GIPR: variants seen among roughly 807,000 people sequenced by gnomAD.
GIPR encodes the protein gastric inhibitory polypeptide receptor, also known as GIP-R.
Under a neutral mutation model 62.2 loss-of-function variants are expected in GIPR, and 74 were observed. That is an observed-to-expected ratio of 1.19 (90% CI 0.99 to 1.44). GIPR has a LOEUF of 1.44. Ranked by LOEUF, GIPR falls within the 40% of genes most tolerant of loss-of-function variation. The pLI is 0.00. For synonymous variants in GIPR, 256 were observed against 262.2 expected, an observed-to-expected ratio of 0.98 and a Z score of 0.23; for missense variants, 664 against 611.8, an observed-to-expected ratio of 1.09 and a Z score of -0.90.
At chr19:45,669,361 C>A in intron 1 of GIPR, 116 bp from the exon 2 acceptor site, 2 of 1,020,578 alleles carry the variant, frequency 2.0e-6, no homozygotes, top group Non-Finnish European at 2.9e-6. Flanking sequence ...GCCTCGGAGT[C>A]CCGCGTGTAT....
rs1428707340 is a variant in GIPR, at chr19:45,683,717, A to G, written c.*1782A>G. The G allele has an allele frequency of 2.0e-5, 3 of 152,058 alleles. No individual in the cohort carries two copies. The highest frequency in any genetic ancestry group is 4.4e-5 in the Non-Finnish European group (3 of 68,008). The allele number at this position is 152,058 out of a possible 1,614,324, so 9.4% of individuals were successfully genotyped here. On this transcript the variant is annotated 3_prime_UTR_variant, in exon 14 of 14. Transcript: ENST00000590918. ...GGCTCTTGTAAATAAAGTATAAGAA[A>G]CAGTTGCTTTTTTTCTTTCTTGGGT...
At chr19:45,669,729 T>A (rs1348187010) in intron 2 of GIPR, 137 bp downstream of exon 2, 1 of 1,199,812 alleles carries the variant, frequency 8.3e-7, no homozygotes, top group East Asian at 2.7e-5. Flanking sequence ...GTGGATCACT[T>A]GAGGCCAGGA....
At position 45,672,839 on chromosome 19, in the gene GIPR, CTT is replaced by C. The variant is rs765641484; in HGVS notation, c.281-10_281-9del. On this transcript the variant is annotated splice_polypyrimidine_tract_variant and intron_variant, in intron 4 of 13. Transcript: ENST00000590918. ...TCTGTGTGCCTTAATTCCCTCTCTTCTTTCCCCACAGTGGCTGCAGGTTTCGT... is the reference window on the plus strand; with the variant it reads ...TCTGTGTGCCTTAATTCCCTCTCTTCTCCCCACAGTGGCTGCAGGTTTCGT... 8 of 1,558,754 alleles carry C rather than the reference CTT, an allele frequency of 5.1e-6. No homozygotes were observed. The South Asian group carries it at 6.7e-5, about 13-fold the overall frequency.
intron 7 of GIPR, among the ~76,000 whole-genome samples, chr19:45,676,331 G>A (rs1378547624): frequency 2.0e-5 from 3 of 152,038 alleles, no homozygotes; most frequent in Non-Finnish European, 2.9e-5. Flanking sequence ...GGGATCTAGG[G>A]GGGAACTGAC....
chr19:45,678,244 A>C lies in GIPR; in HGVS notation c.1152+18A>C. 6.5e-7 allele frequency: 1 copy of C among 1,549,832 alleles called. No individual in the cohort carries two copies. The highest frequency in any genetic ancestry group is 1.9e-5 in the Admixed American group (1 of 51,350). ...CCTTCCAGGTGCTCAGGCAGGGTGC[A>C]GGGGCTCCATCCTTCCACCCAGGGC... On this transcript the variant is annotated intron_variant, in intron 12 of 13. Transcript: ENST00000590918.
chr19:45,673,035 T>C (rs2146076942), intron 5 of GIPR, 81 bp downstream of exon 5: 1 of 848,464 alleles, frequency 1.2e-6, no homozygotes, highest in East Asian at 2.4e-5. Flanking sequence ...CTGAAACCCC[T>C]TGGACTGTTC....
intron 6 of GIPR, 83 bp downstream of exon 6, chr19:45,674,260 A>C: frequency 1.1e-6 from 1 of 904,292 alleles, no homozygotes; most frequent in Non-Finnish European, 1.9e-6. Context: ...GTCTGTTTCC[A>C]CCAGGTCCAG....
At chr19:45,681,681 G>A in intron 13 of GIPR, 36 bp downstream of exon 13, 1 of 1,612,508 alleles carries the variant, frequency 6.2e-7, no homozygotes, top group Non-Finnish European at 8.5e-7. Flanking sequence ...CCGCCCTCTG[G>A]CGGCAGCGCG....
rs1966986282 is a variant in GIPR at position 45,677,239 on chromosome 19, T to C, written c.794-84T>C. 3.6e-6 allele frequency: 5 copies of C among 1,372,716 alleles called. No individual in the cohort carries two copies. The Admixed American group carries it at 5.9e-5, about 16-fold the overall frequency. 85.0% of individuals were successfully genotyped at this position (1,372,716 alleles called of 1,614,324 possible). Reference sequence around the variant, plus strand: ...TGCCTTCCCCACCCCGACAGAGGAATTCCGCGGGTCTTGGGCCTGGCGGGG... The same window carrying C: ...TGCCTTCCCCACCCCGACAGAGGAACTCCGCGGGTCTTGGGCCTGGCGGGG... On this transcript the variant is annotated intron_variant, in intron 8 of 13. Coordinates refer to ENST00000590918, the MANE Select transcript of GIPR (RefSeq NM_000164.4).
intron 10 of GIPR, 28 bp downstream of exon 10, chr19:45,677,807 C>A: frequency 1.2e-6 from 2 of 1,605,026 alleles, no homozygotes; most frequent in Non-Finnish European, 1.7e-6. Flanking sequence ...TCCACCAGGC[C>A]GCCCTCAGGG....
rs767090869 is a variant in GIPR, at chr19:45,682,221, G to A, written c.*286G>A. 4.4e-6 allele frequency: 2 copies of A among 456,712 alleles called. No individual in the cohort carries two copies. The highest frequency in any genetic ancestry group is 4.3e-5 in the East Asian group (1 of 23,282). The allele number at this position is 456,712 out of a possible 1,614,324, so 28.3% of individuals were successfully genotyped here. ...TAAGCCATCCCCGAAAGAGGTGAAAGAGATCACTTTGGGGAGAGCTGGAGA... is the reference window on the plus strand; with the variant it reads ...TAAGCCATCCCCGAAAGAGGTGAAAAAGATCACTTTGGGGAGAGCTGGAGA... On this transcript the variant is annotated 3_prime_UTR_variant, in exon 14 of 14. Coordinates refer to ENST00000590918, the MANE Select transcript of GIPR (RefSeq NM_000164.4).
rs757774381 is a variant in GIPR, at chr19:45,671,381, G to C, written c.269G>C (p.Trp90Ser). Residue 90 changes from tryptophan (W) to serine (S), a missense_variant, in exon 4 of 14, where the codon TGG becomes TCG. By Grantham distance (177) the Trp-to-Ser change is radical. Transcript: ENST00000590918. Reference protein sequence around the residue: ...ARASCPWYLPWHHHVAAGFVL... With the variant: ...ARASCPWYLPSHHHVAAGFVL... ...GCGTCCTGCCCCTGGTACCTGCCCT[G>C]GCACCACCATGGTGAGGTGCTCCCT... 1 of 1,605,384 alleles carries C rather than the reference G, an allele frequency of 6.2e-7. No homozygotes were observed. The highest frequency in any genetic ancestry group is 8.5e-7 in the Non-Finnish European group (1 of 1,174,844).
Position 45,672,871 on chromosome 19 carries a change from C to T in GIPR, c.301C>T (p.Arg101Cys), listed in dbSNP as rs367687469. Reference protein sequence around the residue: ...HHHVAAGFVLRQCGSDGQWGL... With the variant: ...HHHVAAGFVLCQCGSDGQWGL... Reference sequence around the variant, plus strand: ...CACAGTGGCTGCAGGTTTCGTCCTCCGCCAGTGTGGCAGTGATGGCCAATG... The same window carrying T: ...CACAGTGGCTGCAGGTTTCGTCCTCTGCCAGTGTGGCAGTGATGGCCAATG... The change falls in exon 5 of 14, where the codon CGC (arginine) becomes TGC (cysteine). Residue 101 changes from arginine (R) to cysteine (C), a missense_variant. Coordinates refer to ENST00000590918, the MANE Select transcript of GIPR (RefSeq NM_000164.4). 7.4e-5 allele frequency: 120 copies of T among 1,611,998 alleles called. No homozygotes were observed. The East Asian group carries it at 1.5e-3, about 21-fold the overall frequency.
At chr19:45,674,026 G>A in intron 5 of GIPR, 48 bp from the exon 6 acceptor site, 1 of 1,078,022 alleles carries the variant, frequency 9.3e-7, no homozygotes, top group Non-Finnish European at 1.4e-6. Context: ...CTCTGGGCCT[G>A]GGGCTTCGAG....
At chr19:45,669,197 A>AC (rs71338790) in intron 1 of GIPR, among the ~76,000 whole-genome samples, 79 of 148,652 alleles carry the variant, frequency 5.3e-4, no homozygotes, top group South Asian at 1.1e-3. Flanking sequence ...CTCAGCAAAC[A>AC]CCCCCCCCTT....
chr19:45,677,598 A>G, intron 9 of GIPR, 112 bp from the exon 10 acceptor site: 1 of 932,026 alleles, frequency 1.1e-6, no homozygotes, highest in Non-Finnish European at 1.8e-6. Flanking sequence ...GCGGGACCTT[A>G]GAGAATGTGT....
intron 7 of GIPR, among the ~76,000 whole-genome samples, chr19:45,675,665 C>T (rs540827774): frequency 3.3e-5 from 5 of 149,832 alleles, no homozygotes; most frequent in Admixed American, 2.7e-4. Context: ...GTGGGCAGAT[C>T]GCTTTTTGCC....
chr19:45,674,688 A>G lies in GIPR; in HGVS notation c.495A>G (p.Leu165=). Reference sequence around the variant, plus strand: ...GCCTTCCAAATTCCCCTAGGCGGCTACATTGCACTAGAAACTATATCCACA... The same window carrying G: ...GCCTTCCAAATTCCCCTAGGCGGCTGCATTGCACTAGAAACTATATCCACA... ...ALLILSLFRR[L]HCTRNYIHIN... Residue 165 remains leucine, a synonymous_variant, in exon 7 of 14, where the codon CTA becomes CTG. Transcript: ENST00000590918. 1 of 1,613,876 alleles carries G rather than the reference A, an allele frequency of 6.2e-7. No individual in the cohort carries two copies. The highest frequency in any genetic ancestry group is 1.3e-5 in the African/African-American group (1 of 74,968).
At chr19:45,677,681 A>T (rs1328059071) in intron 9 of GIPR, 29 bp from the exon 10 acceptor site, 1 of 1,584,666 alleles carries the variant, frequency 6.3e-7, no homozygotes, top group Non-Finnish European at 8.7e-7. Context: ...GAGTTTTTCT[A>T]TCTCTTAGCT....
Sources: allele counts gnomAD v4.1 joint callset (sites outside exome capture counted in the v4.1 genomes callset), GRCh38; gene constraint gnomAD v4.1.1; transcripts MANE v1.5; gene names NCBI Gene and HGNC (gene_info 2026-07-23, HGNC 2026-07-21).